The following ITGA8 variants were observed in gnomAD, a reference collection of about 807,000 sequenced individuals.
ITGA8 encodes the protein integrin alpha-8.
In ITGA8, 91 loss-of-function variants were observed where a neutral mutation model predicts 142.3. The ratio of observed to expected loss-of-function variants is 0.64; its 90% CI spans 0.54 to 0.76. The LOEUF is 0.76. Ranked by LOEUF, ITGA8 falls within the 30% of genes least tolerant of loss-of-function variation. ITGA8 has a pLI of 0.00. For missense variants in ITGA8, 1,406 were observed against 1,327.7 expected, an observed-to-expected ratio of 1.06 and a Z score of -0.92; for synonymous variants, 505 against 485.2, an observed-to-expected ratio of 1.04 and a Z score of -0.54.
intron 2 of ITGA8, among the ~76,000 whole-genome samples, chr10:15,710,551 TG>T (rs1835344713): frequency 6.6e-6 from 1 of 152,156 alleles, no homozygotes; most frequent in African/African-American, 2.4e-5. Flanking sequence ...ATGTCCTGGG[TG>T]GCTAAGAATG....
intron 25 of ITGA8, among the ~76,000 whole-genome samples, 161 bp from the exon 26 acceptor site, chr10:15,558,363 C>T (rs1833920674): frequency 6.6e-6 from 1 of 152,118 alleles, no homozygotes; most frequent in South Asian, 2.1e-4. Flanking sequence ...AGTGACATGA[C>T]CTGCACGCAC....
At chr10:15,543,056 G>C (rs1188825990) in intron 27 of ITGA8, among the ~76,000 whole-genome samples, 1 of 152,180 alleles carries the variant, frequency 6.6e-6, no homozygotes, top group African/African-American at 2.4e-5. Context: ...ACACCAAGTA[G>C]AATAAACACC....
chr10:15,678,668 G>C, intron 5 of ITGA8, 54 bp downstream of exon 5: 1 of 1,230,164 alleles, frequency 8.1e-7, no homozygotes, highest in Non-Finnish European at 1.2e-6. Context: ...GAGAGGCAGA[G>C]GGTAAAAAAA....
intron 27 of ITGA8, among the ~76,000 whole-genome samples, chr10:15,539,971 C>T (rs1468579133): frequency 4.6e-5 from 7 of 152,230 alleles, no homozygotes; most frequent in Admixed American, 2.6e-4. Flanking sequence ...GGGAGTTCCC[C>T]TGCACATGCT....
At chr10:15,630,701 T>C (rs1162874149) in intron 13 of ITGA8, among the ~76,000 whole-genome samples, 3 of 152,016 alleles carry the variant, frequency 2.0e-5, no homozygotes, top group Non-Finnish European at 4.4e-5. Flanking sequence ...GCTTCCGATT[T>C]ACATATTAGT....
chr10:15,538,597 G>T (rs947886231), intron 27 of ITGA8, among the ~76,000 whole-genome samples: 1 of 149,806 alleles, frequency 6.7e-6, no homozygotes, highest in Non-Finnish European at 1.5e-5. Context: ...AATCTAATTT[G>T]AAAAGGCCAG....
chr10:15,660,266 G>A (rs979016077), intron 9 of ITGA8, among the ~76,000 whole-genome samples: 47 of 152,236 alleles, frequency 3.1e-4, no homozygotes, highest in African/African-American at 1.1e-3. Context: ...TGGTTTAATG[G>A]TCTGCTGTTC....
chr10:15,661,269 A>C (rs1211671377), intron 8 of ITGA8, among the ~76,000 whole-genome samples: 1 of 152,208 alleles, frequency 6.6e-6, no homozygotes, highest in Non-Finnish European at 1.5e-5. Context: ...AACTGTGCAC[A>C]CAGGGGATCT....
At chr10:15,694,612 A>G (rs1292333327) in intron 2 of ITGA8, among the ~76,000 whole-genome samples, 1 of 136,730 alleles carries the variant, frequency 7.3e-6, no homozygotes, top group Non-Finnish European at 1.5e-5. Flanking sequence ...AATATAGTAA[A>G]TATATTTTAT....
intron 22 of ITGA8, among the ~76,000 whole-genome samples, chr10:15,591,042 C>A (rs761973106): frequency 6.6e-6 from 1 of 152,042 alleles, no homozygotes; most frequent in South Asian, 2.1e-4. Flanking sequence ...AAATCCTAAG[C>A]CTTTTATTGA....
chr10:15,643,290 TA>T lies in ITGA8; in HGVS notation c.1399+739del, dbSNP rs561154351. Reference sequence around the variant, plus strand: ...ACAAAATATGGCTGGAAGAGATACATATATTTTTTGAGACAGTCTCACTCTG... The same window carrying T: ...ACAAAATATGGCTGGAAGAGATACATTATTTTTTGAGACAGTCTCACTCTG... On this transcript the variant is annotated intron_variant, in intron 13 of 29. Coordinates refer to ENST00000378076, the MANE Select transcript of ITGA8 (RefSeq NM_003638.3). Among the ~76,000 whole-genome samples, 28 of 152,292 alleles carry T rather than the reference TA, an allele frequency of 1.8e-4. 1 individual carries two copies. The East Asian group carries it at 5.0e-3, about 27-fold the overall frequency.
chr10:15,621,269 CT>C (rs1449874709), intron 13 of ITGA8, among the ~76,000 whole-genome samples: 1 of 151,640 alleles, frequency 6.6e-6, no homozygotes, highest in Admixed American at 6.6e-5. Flanking sequence ...TTGCTATTGC[CT>C]CACGTTGCCT....
chr10:15,542,223 T>C (rs1833583164), intron 27 of ITGA8, among the ~76,000 whole-genome samples: 1 of 152,230 alleles, frequency 6.6e-6, no homozygotes, highest in Non-Finnish European at 1.5e-5. Flanking sequence ...CAATTTTGAA[T>C]GGAAATATGC....
At position 15,530,541 on chromosome 10, in the gene ITGA8, CAAAAA is replaced by C. The variant is rs57521125; in HGVS notation, c.2982+504_2982+508del. ...AACCTGGGCGACAGAGCGAGACTCT[CAAAAA>C]AAAAAAAAAAAAAAAAAGACATTTC... On this transcript the variant is annotated intron_variant, in intron 28 of 29. Coordinates refer to ENST00000378076, the MANE Select transcript of ITGA8 (RefSeq NM_003638.3). Among the ~76,000 whole-genome samples, 143 of 75,220 alleles carry C rather than the reference CAAAAA, an allele frequency of 1.9e-3. 1 individual carries two copies. The highest frequency in any genetic ancestry group is 1.9e-3 in the African/African-American group (34 of 17,836). 49.3% of individuals were successfully genotyped at this position (75,220 alleles called of 152,430 possible). A position where few individuals can be genotyped will look rare whatever the true frequency, so the allele number is the denominator to read the frequency against.
At chr10:15,517,313 A>AT in intron 29 of ITGA8, 69 bp from the exon 30 acceptor site, 1 of 1,058,896 alleles carries the variant, frequency 9.4e-7, no homozygotes, top group South Asian at 1.4e-5. Context: ...CATTCAAAGA[A>AT]TTTTCACTTT....
intron 28 of ITGA8, among the ~76,000 whole-genome samples, chr10:15,529,560 T>G (rs1356474945): frequency 1.3e-5 from 2 of 152,180 alleles, no homozygotes; most frequent in African/African-American, 2.4e-5. Context: ...CTCATAAGAC[T>G]TTTAAAGCAC....
At chr10:15,704,926 C>T (rs760019320) in intron 2 of ITGA8, among the ~76,000 whole-genome samples, 1 of 152,156 alleles carries the variant, frequency 6.6e-6, no homozygotes, top group Non-Finnish European at 1.5e-5. Context: ...AATCTCATGC[C>T]TGCTGCCAAA....
intron 26 of ITGA8, among the ~76,000 whole-genome samples, chr10:15,551,393 T>C (rs1309654915): frequency 1.3e-5 from 2 of 151,864 alleles, no homozygotes; most frequent in African/African-American, 4.8e-5. Flanking sequence ...GGAGGGGATG[T>C]TTTCGGGGGA....
At chr10:15,590,742 T>A (rs1219515329) in intron 22 of ITGA8, among the ~76,000 whole-genome samples, 1 of 152,218 alleles carries the variant, frequency 6.6e-6, no homozygotes, top group African/African-American at 2.4e-5. Context: ...TACAAAGAAA[T>A]GATTTAACAT....
Sources: gnomAD v4.1 joint callset for allele counts (sites outside exome capture counted in the v4.1 genomes callset) on GRCh38, gnomAD v4.1.1 for gene constraint, MANE v1.5 for transcripts, NCBI Gene and HGNC (gene_info 2026-07-23, HGNC 2026-07-21) for gene names.